Variants in CALN1 observed in about 807,000 individuals in gnomAD.
CALN1 encodes the protein calneuron 1, also known as calcium-binding protein 8.
A neutral mutation model predicts 30.6 loss-of-function variants in CALN1; 17 were observed. The ratio of observed to expected loss-of-function variants is 0.56; its 90% confidence interval spans 0.38 to 0.83. CALN1 has a LOEUF of 0.83. CALN1 is among the 40% of genes least tolerant of loss of function. The pLI is 0.00. For missense variants in CALN1, 291 were observed against 354.9 expected (o/e 0.82, Z 1.45); for synonymous variants, 156 against 131.4 (o/e 1.19, Z -1.28).
intron 5 of CALN1, among the ~76,000 whole-genome samples, chr7:71,869,000 C>T (rs1254817395): frequency 1.3e-5 from 2 of 152,086 alleles, no homozygotes; most frequent in Non-Finnish European, 2.9e-5. Context: ...TCTTAGCTTC[C>T]ATGGTCTCCT....
intron 1 of CALN1, among the ~76,000 whole-genome samples, chr7:72,430,645 G>A (rs2968507): frequency 0.14 from 21,213 of 152,110 alleles, 2,072 homozygotes; most frequent in Non-Finnish European, 0.22. Flanking sequence ...TAGGGCGCAT[G>A]CACTGACCAA....
At position 72,405,945 on chromosome 7, in the gene CALN1, G is replaced by A. The variant is rs147674643; in HGVS notation, c.-73-2503C>T. 1.3e-3 allele frequency among the ~76,000 whole-genome samples: 205 copies of A among 152,298 alleles called. 1 individual carries two copies. The highest frequency in any genetic ancestry group is 4.8e-3 in the African/African-American group (199 of 41,544). ...AGATGAGAACTGTCGGGAGCTGATG[G>A]TCGCCAGGCTTCTGAGCCCAATACA... On this transcript the variant is annotated intron_variant, in intron 1 of 6. Coordinates refer to ENST00000395275, the MANE Select transcript of CALN1 (RefSeq NM_031468.4).
chr7:72,418,957 A>G (rs1356445009), intron 1 of CALN1, among the ~76,000 whole-genome samples: 1 of 152,190 alleles, frequency 6.6e-6, no homozygotes, highest in Non-Finnish European at 1.5e-5. Flanking sequence ...TTGAGGCTAC[A>G]GTGAACTATG....
intron 2 of CALN1, among the ~76,000 whole-genome samples, chr7:72,398,694 G>C (rs980819305): frequency 6.6e-6 from 1 of 152,220 alleles, no homozygotes; most frequent in Non-Finnish European, 1.5e-5. Flanking sequence ...AAGTAAAGAA[G>C]TGAAGGATTT....
At chr7:72,201,699 A>G (rs1344908340) in intron 3 of CALN1, among the ~76,000 whole-genome samples, 1 of 151,342 alleles carries the variant, frequency 6.6e-6, no homozygotes, top group African/African-American at 2.4e-5. Flanking sequence ...GAATACATCC[A>G]TGTAACAAAC....
intron 5 of CALN1, among the ~76,000 whole-genome samples, chr7:71,985,448 A>T (rs530056544): frequency 6.6e-6 from 1 of 152,278 alleles, no homozygotes; most frequent in African/African-American, 2.4e-5. Context: ...GTTGAAGACC[A>T]GCCTGGACAA....
At chr7:71,993,286 C>A (rs1316115980) in intron 5 of CALN1, among the ~76,000 whole-genome samples, 5 of 152,068 alleles carry the variant, frequency 3.3e-5, no homozygotes, top group Non-Finnish European at 1.5e-5. Context: ...GTCAAGTTCT[C>A]TTTTAGATAT....
intron 2 of CALN1, among the ~76,000 whole-genome samples, chr7:72,321,883 C>A (rs1484971681): frequency 6.6e-6 from 1 of 152,124 alleles, no homozygotes; most frequent in African/African-American, 2.4e-5. Context: ...TGACTCTAAA[C>A]AAATCACCCT....
intron 6 of CALN1, among the ~76,000 whole-genome samples, chr7:71,790,317 AGAAAGAAAGAAG>A (rs1255314442): frequency 8.1e-5 from 12 of 147,834 alleles, no homozygotes; most frequent in African/African-American, 2.3e-4. Context: ...GAAAGAAGAA[AGAAAGAAAGAAG>A]GAAAGAAAGA....
intron 5 of CALN1, among the ~76,000 whole-genome samples, chr7:71,868,023 A>C (rs968686893): frequency 3.3e-5 from 5 of 152,154 alleles, no homozygotes; most frequent in Middle Eastern, 3.2e-3. Context: ...TTCACGTATA[A>C]AAGTATTCTT....
intron 3 of CALN1, among the ~76,000 whole-genome samples, chr7:72,212,055 T>C (rs1489537416): frequency 1.3e-5 from 2 of 152,054 alleles, no homozygotes; most frequent in African/African-American, 2.4e-5. Context: ...TCCTTTGCTG[T>C]TAAATACCAG....
At chr7:72,245,618 C>CTAAAGAAA (rs200255567) in intron 3 of CALN1, among the ~76,000 whole-genome samples, 1 of 143,348 alleles carries the variant, frequency 7.0e-6, no homozygotes, top group Non-Finnish European at 1.5e-5. Flanking sequence ...AACTCCATCT[C>CTAAAGAAA]TAAATAAATA....
chr7:71,898,703 A>G (rs1451292236), intron 5 of CALN1, among the ~76,000 whole-genome samples: 1 of 152,198 alleles, frequency 6.6e-6, no homozygotes, highest in Non-Finnish European at 1.5e-5. Context: ...ATGCAAAGAC[A>G]TAGCAAAAAC....
chr7:71,938,219 C>A (rs1158765106), intron 5 of CALN1, among the ~76,000 whole-genome samples: 2 of 152,164 alleles, frequency 1.3e-5, no homozygotes. Flanking sequence ...GCTGTGCCTA[C>A]CCTGCCCAGA....
At chr7:72,461,194 C>A in the CALN1 span, among the ~76,000 whole-genome samples, 1 of 152,108 alleles carries the variant, frequency 6.6e-6, no homozygotes, top group African/African-American at 2.4e-5. Context: ...GAAAAGGGAA[C>A]AATTATACAC....
intron 5 of CALN1, among the ~76,000 whole-genome samples, chr7:71,841,605 G>A (rs988391207): frequency 5.9e-5 from 9 of 152,136 alleles, no homozygotes; most frequent in Admixed American, 2.0e-4. Flanking sequence ...ATCAACCTAG[G>A]TGCCCTAGAT....
intron 3 of CALN1, among the ~76,000 whole-genome samples, chr7:72,155,385 G>A (rs566646505): frequency 7.2e-5 from 11 of 151,790 alleles, no homozygotes; most frequent in African/African-American, 1.4e-4. Flanking sequence ...CCAGCTACTC[G>A]GGAGGCTGAG....
At chr7:72,112,912 T>C (rs1807678743) in intron 3 of CALN1, among the ~76,000 whole-genome samples, 1 of 152,124 alleles carries the variant, frequency 6.6e-6, no homozygotes, top group African/African-American at 2.4e-5. Flanking sequence ...GAGGAAGGGC[T>C]GTTGGGGTTA....
intron 1 of CALN1, among the ~76,000 whole-genome samples, chr7:72,434,347 C>A (rs1215168711): frequency 1.4e-5 from 2 of 144,332 alleles, no homozygotes; most frequent in East Asian, 4.0e-4. Context: ...TACTAAAATA[C>A]CAAAAAAAAA....
Sources: allele counts gnomAD v4.1 joint callset (sites outside exome capture counted in the v4.1 genomes callset), GRCh38; gene constraint gnomAD v4.1.1; transcripts MANE v1.5; gene names NCBI Gene and HGNC (gene_info 2026-07-23, HGNC 2026-07-21).